Variants in DNAH8 observed in about 807,000 individuals in gnomAD.
DNAH8 encodes the protein axonemal beta dynein heavy chain 8.
Under a neutral mutation model 562.1 loss-of-function variants are expected in DNAH8, and 382 were observed. The observed-to-expected ratio is 0.68, with a 90% CI of 0.63 to 0.74. The LOEUF is 0.74. DNAH8 is among the 30% of genes least tolerant of loss of function. DNAH8 has a pLI of 0.00. For synonymous variants in DNAH8, 1,881 were observed against 1,919.4 expected (o/e 0.98, Z 0.52); for missense variants, 5,203 against 5,620.4 (o/e 0.93, Z 2.37).
chr6:38,936,816 C>T (rs1226298950), intron 77 of DNAH8, among the ~76,000 whole-genome samples: 2 of 152,180 alleles, frequency 1.3e-5, no homozygotes, highest in Admixed American at 6.5e-5. Context: ...ACAGCATACC[C>T]GTTGGAGTAA....
intron 24 of DNAH8, among the ~76,000 whole-genome samples, chr6:38,807,959 A>G (rs1327644769): frequency 6.6e-6 from 1 of 152,188 alleles, no homozygotes; most frequent in East Asian, 1.9e-4. Flanking sequence ...CTTCTCACCT[A>G]AAAGTAACCA....
Position 38,926,086 on chromosome 6 carries a change from G to A in DNAH8, c.10994G>A (p.Gly3665Glu). 6.2e-7 allele frequency: 1 copy of A among 1,613,676 alleles called. No individual in the cohort carries two copies. The highest frequency in any genetic ancestry group is 2.2e-5 in the East Asian group (1 of 44,850). The change falls in exon 74 of 93, where the codon GGA (glycine) becomes GAA (glutamate). Residue 3665 changes from glycine to glutamate, a missense_variant. Gly to Glu is a moderately conservative substitution (Grantham distance 98). This residue lies in a region of DNAH8 where 1,399 missense variants were observed against 1,518.4 expected (regional missense o/e 0.92). Transcript: ENST00000327475. ...GAGTGGGGGCTACAGGGATTACCAG[G>A]AGATGATCTCTCAATTCAGAATGGC... ...IGEWGLQGLP[G>E]DDLSIQNGII...
chr6:38,735,963 C>T (rs890089425), intron 5 of DNAH8, among the ~76,000 whole-genome samples: 2 of 151,988 alleles, frequency 1.3e-5, no homozygotes, highest in African/African-American at 2.4e-5. Flanking sequence ...CAGAGTGAAA[C>T]CCTGTCTCTA....
chr6:38,855,197 C>A (rs1583192123), intron 41 of DNAH8, among the ~76,000 whole-genome samples: 1 of 151,744 alleles, frequency 6.6e-6, no homozygotes, highest in Non-Finnish European at 1.5e-5. Flanking sequence ...TCTTTTAAAA[C>A]ATGTTTTAAT....
At chr6:38,716,400 T>C (rs940069225) in intron 1 of DNAH8, among the ~76,000 whole-genome samples, 3 of 152,192 alleles carry the variant, frequency 2.0e-5, no homozygotes, top group Admixed American at 6.5e-5. Context: ...TTTCCCAAGA[T>C]AGTTGTGCCT....
Position 39,008,799 on chromosome 6 carries a change from C to A in DNAH8, c.13215-15C>A. On this transcript the variant is annotated splice_polypyrimidine_tract_variant and intron_variant, in intron 88 of 92. Coordinates refer to ENST00000327475, the MANE Select transcript of DNAH8 (RefSeq NM_001206927.2). ...TTTCCCTGTAACATTCTGAACAGCTCACTCTTTTTACTAGGTATCAGAGTA... is the reference window on the plus strand; with the variant it reads ...TTTCCCTGTAACATTCTGAACAGCTAACTCTTTTTACTAGGTATCAGAGTA... 6.4e-7 allele frequency: 1 copy of A among 1,555,214 alleles called. No homozygotes were observed. Among genetic ancestry groups the A allele is most frequent in the South Asian group, 1.1e-5 (1 of 87,200 alleles).
intron 85 of DNAH8, among the ~76,000 whole-genome samples, chr6:38,978,689 T>C (rs1188875119): frequency 6.6e-6 from 1 of 152,234 alleles, no homozygotes; most frequent in African/African-American, 2.4e-5. Context: ...GAAATGATTC[T>C]GCAGCTCTGT....
intron 85 of DNAH8, 58 bp from the exon 86 acceptor site, chr6:38,982,288 T>C: frequency 1.4e-6 from 1 of 732,612 alleles, no homozygotes; most frequent in Non-Finnish European, 2.5e-6. Context: ...TGTATTTTGA[T>C]AGCAATAAAA....
intron 26 of DNAH8, among the ~76,000 whole-genome samples, chr6:38,819,756 C>G (rs999971446): frequency 1.3e-5 from 2 of 152,062 alleles, no homozygotes; most frequent in African/African-American, 4.8e-5. Flanking sequence ...ATAATTGTTA[C>G]AACCAATAAG....
Position 38,917,401 on chromosome 6 carries a change from T to C in DNAH8, c.10303T>C (p.Leu3435=). Residue 3435 remains leucine, a synonymous_variant, in exon 69 of 93, where the codon TTA becomes CTA. Transcript: ENST00000327475. ...CTGTAAGCCATCATGGGGAGAGTCA[T>C]TAAAGGTAAGTAAAATCTATCATTG... ...SCCKPSWGES[L]KLMSATGFLW... is the part of the protein sequence containing the mutation. 1 of 1,612,716 alleles carries C rather than the reference T, an allele frequency of 6.2e-7. No homozygotes were observed. Among genetic ancestry groups the C allele is most frequent in the Non-Finnish European group, 8.5e-7 (1 of 1,179,236 alleles).
rs113208303 is a variant in DNAH8 at position 38,870,108 on chromosome 6, A to G, written c.6829-293A>G. On this transcript the variant is annotated intron_variant, in intron 48 of 92. Coordinates refer to ENST00000327475, the MANE Select transcript of DNAH8 (RefSeq NM_001206927.2). ...TCAGATCTTGTGAGACTTATTCACTATCATAAGAACAGCAGGGAAAGACTT... is the reference window on the plus strand; with the variant it reads ...TCAGATCTTGTGAGACTTATTCACTGTCATAAGAACAGCAGGGAAAGACTT... Among the ~76,000 whole-genome samples, 752 of 152,276 alleles carry G rather than the reference A, an allele frequency of 4.9e-3. 4 individuals are homozygous for G. The highest frequency in any genetic ancestry group is 0.017 in the African/African-American group (708 of 41,534).
Position 38,737,175 on chromosome 6 carries a change from G to T in DNAH8, c.871G>T (p.Ala291Ser), listed in dbSNP as rs561903158. Residue 291 changes from alanine to serine, a missense_variant, in exon 6 of 93, where the codon GCT becomes TCT. Physicochemically the swap from Ala to Ser is moderately conservative, Grantham distance 99 (BLOSUM62 1). Coordinates refer to ENST00000327475, the MANE Select transcript of DNAH8 (RefSeq NM_001206927.2). Reference protein sequence around the residue: ...PAVLATNNWGALNQSKQGESE... With the variant: ...PAVLATNNWGSLNQSKQGESE... ...TGTTCTTGCAACAAACAACTGGGGT[G>T]CTTTAAACCAGTCCAAGCAGGGAGA... The T allele has an allele frequency of 6.4e-6, 10 of 1,573,118 alleles. No individual in the cohort carries two copies. The South Asian group carries it at 1.2e-4, about 19-fold the overall frequency.
chr6:38,956,060 A>G (rs1176524788), intron 82 of DNAH8, among the ~76,000 whole-genome samples: 1 of 152,230 alleles, frequency 6.6e-6, no homozygotes, highest in African/African-American at 2.4e-5. Flanking sequence ...CTGCCTGCCA[A>G]CATCGATCTT....
In DNAH8 at chr6:38,886,900, T is replaced by C; in HGVS notation, c.8369T>C (p.Ile2790Thr). The change falls in exon 57 of 93, where the codon ATC becomes ACC. Residue 2790 changes from isoleucine (I) to threonine (T), a missense_variant. Coordinates refer to ENST00000327475, the MANE Select transcript of DNAH8 (RefSeq NM_001206927.2). ...IVDVQLIAAM[I>T]HPGGGRNDIP... The stretch of plus-strand genomic sequence containing the variant: ...GATGTGCAGCTCATAGCAGCAATGA[T>C]CCACCCTGGAGGTGGTCGAAATGAT... The C allele has an allele frequency of 6.2e-7, 1 of 1,613,926 alleles. No individual in the cohort carries two copies. The highest frequency in any genetic ancestry group is 1.7e-5 in the Admixed American group (1 of 60,026).
chr6:38,872,994 G>A lies in DNAH8; in HGVS notation c.7326G>A (p.Leu2442=), dbSNP rs1030733113. 3.1e-6 allele frequency: 5 copies of A among 1,614,016 alleles called. No homozygotes were observed. Among genetic ancestry groups the A allele is most frequent in the African/African-American group, 2.7e-5 (2 of 74,926 alleles). ...LNSVLDDNKT[L]TLANGDRIPM... The stretch of plus-strand genomic sequence containing the variant: ...CCGTTTTGGATGACAATAAAACTCT[G>A]ACGTTAGCTAATGGAGATCGCATTC... The change falls in exon 51 of 93, where the codon CTG becomes CTA. Residue 2442 remains leucine, a synonymous_variant. Transcript: ENST00000327475.
chr6:38,981,730 T>C lies in DNAH8; in HGVS notation c.12835-616T>C, dbSNP rs544150958. 3.7e-4 allele frequency among the ~76,000 whole-genome samples: 56 copies of C among 152,366 alleles called. 1 individual carries two copies. The highest frequency in any genetic ancestry group is 6.8e-4 in the Non-Finnish European group (46 of 68,032). On this transcript the variant is annotated intron_variant, in intron 85 of 92. Coordinates refer to ENST00000327475, the MANE Select transcript of DNAH8 (RefSeq NM_001206927.2). The stretch of plus-strand genomic sequence containing the variant: ...AACAGTTCATTCAACAGGTATTTGT[T>C]GAGCATCTACTGCATTTTTTGAGTT...
intron 9 of DNAH8, among the ~76,000 whole-genome samples, chr6:38,751,748 A>G (rs1048524490): frequency 6.6e-6 from 1 of 151,740 alleles, no homozygotes; most frequent in Non-Finnish European, 1.5e-5. Flanking sequence ...ATGAAAATTA[A>G]AAAAATCTCT....
intron 88 of DNAH8, among the ~76,000 whole-genome samples, chr6:38,994,649 C>CTTTTTTTTTTTTTTT (rs5875650): frequency 8.4e-6 from 1 of 119,736 alleles, no homozygotes. Context: ...CTTTTTTTTT[C>CTTTTTTTTTTTTTTT]TTTTTTTTTT....
chr6:39,008,992 C>T (rs928625481), intron 89 of DNAH8, 22 bp downstream of exon 89: 1 of 1,562,228 alleles, frequency 6.4e-7, no homozygotes, highest in Non-Finnish European at 8.8e-7. Context: ...TGGTTTCCCA[C>T]TGGCATACAG....
Sources: gnomAD v4.1 joint callset for allele counts (sites outside exome capture counted in the v4.1 genomes callset) on GRCh38, gnomAD v4.1.1 for gene constraint, gnomAD v4.1.1 regional missense constraint, MANE v1.5 for transcripts, NCBI Gene and HGNC (gene_info 2026-07-23, HGNC 2026-07-21) for gene names.